Variants in RELN observed in about 807,000 individuals in gnomAD.
RELN encodes reelin.
Under a neutral mutation model 427.6 loss-of-function variants are expected in RELN, and 108 were observed. The observed-to-expected ratio is 0.25, with a 90% CI of 0.22 to 0.30. The LOEUF is 0.30. RELN is among the 10% of genes least tolerant of loss of function. RELN has a pLI of 1.00. For synonymous variants in RELN, 1,524 were observed against 1,513.4 expected, an observed-to-expected ratio of 1.01 and a Z score of -0.16; for missense variants, 3,715 against 4,302.8, an observed-to-expected ratio of 0.86 and a Z score of 3.82.
chr7:103,531,622 G>A lies in RELN; in HGVS notation c.7349+3694C>T, dbSNP rs1407386457. Reference sequence around the variant, plus strand: ...CTTGGTCAGTTTCATTGCCTCCCATGTCTCTTGACTTTCTCCACTTCTCCT... The same window carrying A: ...CTTGGTCAGTTTCATTGCCTCCCATATCTCTTGACTTTCTCCACTTCTCCT... On this transcript the variant is annotated intron_variant, in intron 46 of 64. Transcript: ENST00000428762. Among the ~76,000 whole-genome samples, 3 of 152,060 alleles carry A rather than the reference G, an allele frequency of 2.0e-5. No individual in the cohort carries two copies. The East Asian group carries it at 5.8e-4, about 29-fold the overall frequency.
At chr7:103,543,956 A>T (rs909741577) in intron 42 of RELN, among the ~76,000 whole-genome samples, 7 of 152,146 alleles carry the variant, frequency 4.6e-5, no homozygotes, top group African/African-American at 1.7e-4. Context: ...GGCAAATGAT[A>T]ATCTGCTTTC....
intron 10 of RELN, among the ~76,000 whole-genome samples, chr7:103,694,209 T>C (rs2115760116): frequency 6.6e-6 from 1 of 152,182 alleles, no homozygotes; most frequent in East Asian, 1.9e-4. Flanking sequence ...CACAGATAAT[T>C]TAACAGGTGG....
chr7:103,622,037 A>G (rs1382705008), intron 20 of RELN, among the ~76,000 whole-genome samples: 1 of 152,100 alleles, frequency 6.6e-6, no homozygotes, highest in Admixed American at 6.6e-5. Flanking sequence ...AATAAAAATA[A>G]TTGTCTCAGA....
intron 2 of RELN, among the ~76,000 whole-genome samples, chr7:103,863,386 C>T (rs1021734192): frequency 1.3e-5 from 2 of 152,050 alleles, no homozygotes; most frequent in Non-Finnish European, 2.9e-5. Context: ...AAATTAAGGC[C>T]CAGAAACATG....
chr7:103,558,722 T>C (rs1830578158), intron 36 of RELN, among the ~76,000 whole-genome samples: 1 of 152,240 alleles, frequency 6.6e-6, no homozygotes, highest in Non-Finnish European at 1.5e-5. Context: ...AAAGGTTCTT[T>C]TCTTCTTGGG....
Position 103,626,559 on chromosome 7 carries a change from C to T in RELN, c.2702+3381G>A, listed in dbSNP as rs185798239. Among the ~76,000 whole-genome samples, 10 of 152,208 alleles carry T rather than the reference C, an allele frequency of 6.6e-5. No homozygotes were observed. Among genetic ancestry groups the T allele is most frequent in the Non-Finnish European group, 1.5e-4 (10 of 67,982 alleles). On this transcript the variant is annotated intron_variant, in intron 20 of 64. Transcript: ENST00000428762. This position sits in a 1 kb window ranked among gnomAD's most constrained non-coding sequence, Gnocchi z 4.4. ...AGAGATGGCGTTTTACCATGTTGGC[C>T]AGGCTGGTCTTTGAATTCCTGGCCT...
In RELN at chr7:103,648,092, A is replaced by G. The variant is rs868498360; in HGVS notation, c.2002+2182T>C. 3.9e-5 allele frequency among the ~76,000 whole-genome samples: 6 copies of G among 152,186 alleles called. No individual in the cohort carries two copies. The South Asian group carries it at 1.2e-3, about 32-fold the overall frequency. On this transcript the variant is annotated intron_variant, in intron 16 of 64. Coordinates refer to ENST00000428762, the MANE Select transcript of RELN (RefSeq NM_005045.4). The stretch of plus-strand genomic sequence containing the variant: ...CTTAAATGTAAGATATGAAACTATA[A>G]AAATCCTAGAAGAAAACTGATATGG...
At chr7:103,893,533 G>A (rs1387942520) in intron 2 of RELN, among the ~76,000 whole-genome samples, 3 of 152,164 alleles carry the variant, frequency 2.0e-5, no homozygotes, top group Non-Finnish European at 4.4e-5. Context: ...ACTAGTCATT[G>A]AAAGTACAAA....
At chr7:103,727,646 G>A (rs569263512) in intron 7 of RELN, among the ~76,000 whole-genome samples, 1 of 152,190 alleles carries the variant, frequency 6.6e-6, no homozygotes, top group Non-Finnish European at 1.5e-5. Context: ...GGTTTATTCA[G>A]CGTGCTCTTT....
intron 11 of RELN, among the ~76,000 whole-genome samples, chr7:103,673,129 TG>T (rs903951365): frequency 7.0e-4 from 106 of 152,254 alleles, no homozygotes; most frequent in African/African-American, 2.4e-3. Flanking sequence ...ATTACTGGTA[TG>T]TTTGAATTGG....
intron 4 of RELN, among the ~76,000 whole-genome samples, chr7:103,760,659 G>A (rs1162604586): frequency 1.3e-5 from 2 of 152,022 alleles, no homozygotes; most frequent in African/African-American, 4.8e-5. Flanking sequence ...AGTCAGACAA[G>A]AATTATATGT....
At chr7:103,956,262 C>A (rs768554611) in intron 1 of RELN, among the ~76,000 whole-genome samples, 5 of 152,170 alleles carry the variant, frequency 3.3e-5, no homozygotes, top group African/African-American at 4.8e-5. Context: ...AAGAGAGTCT[C>A]TCTTCTTTCT....
At chr7:103,546,843 A>C (rs570339828) in intron 41 of RELN, among the ~76,000 whole-genome samples, 57 of 152,354 alleles carry the variant, frequency 3.7e-4, no homozygotes, top group African/African-American at 1.2e-3. Context: ...CAGAGAGCCC[A>C]AAAAGATTAT....
At chr7:103,689,440 G>C (rs1833828885) in intron 10 of RELN, among the ~76,000 whole-genome samples, 1 of 152,066 alleles carries the variant, frequency 6.6e-6, no homozygotes, top group East Asian at 1.9e-4. Context: ...TAGCTGAGCA[G>C]ATATAAACAT....
At chr7:103,855,382 G>C (rs775396744) in intron 2 of RELN, among the ~76,000 whole-genome samples, 2 of 152,206 alleles carry the variant, frequency 1.3e-5, no homozygotes, top group Admixed American at 1.3e-4. Flanking sequence ...ACAATGGGAA[G>C]TGACCACTGG....
chr7:103,644,606 A>G (rs1832760475), intron 16 of RELN, among the ~76,000 whole-genome samples: 1 of 151,706 alleles, frequency 6.6e-6, no homozygotes, highest in Non-Finnish European at 1.5e-5. Flanking sequence ...TTAAAAATGA[A>G]CAAAGACTTT....
chr7:103,590,458 G>T (rs1169921277), intron 27 of RELN, among the ~76,000 whole-genome samples: 1 of 152,044 alleles, frequency 6.6e-6, no homozygotes, highest in Non-Finnish European at 1.5e-5. Flanking sequence ...CTACTCGGGA[G>T]GCTGAGGCAG....
intron 2 of RELN, among the ~76,000 whole-genome samples, chr7:103,908,763 G>A (rs149879972): frequency 2.0e-5 from 3 of 152,128 alleles, no homozygotes; most frequent in African/African-American, 7.2e-5. Context: ...CTTAATGAAG[G>A]TAAGAATGGA....
chr7:103,485,104 A>C (rs957860715), intron 61 of RELN, among the ~76,000 whole-genome samples: 3 of 152,136 alleles, frequency 2.0e-5, no homozygotes, highest in African/African-American at 7.2e-5. Context: ...AGAAACGTAT[A>C]AATGCATAAA....
Sources: allele counts gnomAD v4.1 joint callset (sites outside exome capture counted in the v4.1 genomes callset), GRCh38; gene constraint gnomAD v4.1.1; non-coding constraint Gnocchi (gnomAD v3.1); transcripts MANE v1.5; gene names NCBI Gene and HGNC (gene_info 2026-07-23, HGNC 2026-07-21).